Variants in TRAPPC8 observed in about 807,000 individuals in gnomAD.
The protein encoded by TRAPPC8 is trafficking protein particle complex subunit 8.
In TRAPPC8, 54 loss-of-function variants were observed where a neutral mutation model predicts 174.3. The observed-to-expected ratio is 0.31, with a 90% CI of 0.25 to 0.39. The LOEUF is 0.39. Ranked by LOEUF, TRAPPC8 falls within the 10% of genes least tolerant of loss-of-function variation. TRAPPC8 has a pLI of 1.00. For synonymous variants in TRAPPC8, 630 were observed against 579.9 expected (o/e 1.09, Z -1.24); for missense variants, 1,531 against 1,699.1 (o/e 0.90, Z 1.74).
intron 12 of TRAPPC8, among the ~76,000 whole-genome samples, chr18:31,882,250 A>C (rs1223833599): frequency 6.6e-6 from 1 of 152,246 alleles, no homozygotes; most frequent in East Asian, 1.9e-4. Context: ...TGGTACATAC[A>C]CACCATGGAA....
chr18:31,865,826 T>C (rs906375245), intron 18 of TRAPPC8, among the ~76,000 whole-genome samples: 1 of 151,128 alleles, frequency 6.6e-6, no homozygotes, highest in Admixed American at 6.6e-5. Flanking sequence ...TTATAAATTA[T>C]ATAAATTATA....
At chr18:31,878,877 AAAG>A (rs1178192458) in intron 12 of TRAPPC8, among the ~76,000 whole-genome samples, 1 of 152,200 alleles carries the variant, frequency 6.6e-6, no homozygotes, top group Non-Finnish European at 1.5e-5. Flanking sequence ...AAAAAAAGAC[AAAG>A]AAGGGAATTA....
intron 27 of TRAPPC8, among the ~76,000 whole-genome samples, chr18:31,835,364 T>G (rs2032651318): frequency 6.6e-6 from 1 of 152,190 alleles, no homozygotes; most frequent in South Asian, 2.1e-4. Context: ...GGAAGTTTGT[T>G]TTCTTCCTTC....
intron 1 of TRAPPC8, among the ~76,000 whole-genome samples, chr18:31,933,158 G>A (rs970042346): frequency 4.0e-5 from 6 of 151,826 alleles, no homozygotes; most frequent in Admixed American, 3.9e-4. Flanking sequence ...AAAATTAGCC[G>A]GGCGTGGTGG....
chr18:31,876,103 A>C (rs1459542110), intron 12 of TRAPPC8, among the ~76,000 whole-genome samples: 1 of 152,224 alleles, frequency 6.6e-6, no homozygotes, highest in African/African-American at 2.4e-5. Context: ...TGATCTTTAT[A>C]AATTATATGA....
At chr18:31,893,810 G>A (rs2036069373) in intron 11 of TRAPPC8, among the ~76,000 whole-genome samples, 1 of 151,878 alleles carries the variant, frequency 6.6e-6, no homozygotes, top group Non-Finnish European at 1.5e-5. Context: ...TTAGCACACT[G>A]CACATATGCA....
intron 24 of TRAPPC8, 58 bp downstream of exon 24, chr18:31,852,388 A>G: frequency 6.3e-7 from 1 of 1,582,238 alleles, no homozygotes; most frequent in Non-Finnish European, 8.6e-7. Flanking sequence ...TGCCAAAAAT[A>G]CCCAGATATG....
intron 21 of TRAPPC8, 49 bp from the exon 22 acceptor site, chr18:31,853,994 C>T: frequency 7.1e-7 from 1 of 1,406,458 alleles, no homozygotes. Flanking sequence ...AGCACTAAAT[C>T]AGAATGTTCC....
At chr18:31,911,969 C>T (rs181934200) in intron 5 of TRAPPC8, among the ~76,000 whole-genome samples, 77 of 151,994 alleles carry the variant, frequency 5.1e-4, no homozygotes, top group African/African-American at 1.8e-3. Flanking sequence ...TACTACCAAG[C>T]GGCATACTAT....
rs75684315 is a variant in TRAPPC8, at chr18:31,942,970, G to A, written c.-206C>T. On this transcript the variant is annotated 5_prime_UTR_variant, in exon 1 of 29. Transcript: ENST00000283351. Reference sequence around the variant, plus strand: ...CACTGACCCCCCCCTTCCCGTCACCGCCGCTTCTCAGCGCTCGTCCCCGCG... The same window carrying A: ...CACTGACCCCCCCCTTCCCGTCACCACCGCTTCTCAGCGCTCGTCCCCGCG... 5.4e-3 allele frequency: 5,846 copies of A among 1,075,320 alleles called. 256 individuals are homozygous for A. The African/African-American group carries it at 0.087, about 16-fold the overall frequency. The allele number at this position is 1,075,320 out of a possible 1,614,324, so 66.6% of individuals were successfully genotyped here. A position where few individuals can be genotyped will look rare whatever the true frequency, so the allele number is the denominator to read the frequency against.
At chr18:31,852,309 C>T (rs987706141) in intron 24 of TRAPPC8, 137 bp downstream of exon 24, 1 of 888,722 alleles carries the variant, frequency 1.1e-6, no homozygotes, top group African/African-American at 1.7e-5. Flanking sequence ...CCACTGTACT[C>T]CTGGGAGACA....
intron 11 of TRAPPC8, among the ~76,000 whole-genome samples, chr18:31,891,811 T>C (rs776833235): frequency 7.9e-5 from 12 of 152,206 alleles, no homozygotes; most frequent in Non-Finnish European, 1.6e-4. Flanking sequence ...TCAAAAGTGT[T>C]CACAGACCAT....
At chr18:31,899,060 C>G (rs2036299654) in intron 10 of TRAPPC8, among the ~76,000 whole-genome samples, 1 of 152,068 alleles carries the variant, frequency 6.6e-6, no homozygotes, top group Admixed American at 6.5e-5. Context: ...CAAATCACAC[C>G]TTTTCTTGGA....
intron 1 of TRAPPC8, among the ~76,000 whole-genome samples, chr18:31,938,312 C>T (rs1259955221): frequency 1.3e-5 from 2 of 151,744 alleles, no homozygotes; most frequent in African/African-American, 2.4e-5. Flanking sequence ...CTCAAACATA[C>T]ATCAAGCATA....
At chr18:31,879,382 G>A (rs899770915) in intron 12 of TRAPPC8, among the ~76,000 whole-genome samples, 1 of 152,092 alleles carries the variant, frequency 6.6e-6, no homozygotes, top group Non-Finnish European at 1.5e-5. Context: ...TGACTTTAGG[G>A]TAAACAATGA....
rs781187234 is a variant in TRAPPC8, at chr18:31,867,457, A to G, written c.2408T>C (p.Met803Thr). Residue 803 changes from methionine (M) to threonine (T), a missense_variant, in exon 17 of 29, where the codon ATG becomes ACG. Met to Thr is a moderately conservative substitution (Grantham distance 81). Transcript: ENST00000283351. ...CTCTGAAATAACTTCAGCTCCAATC[A>G]TTTCAGGTTCACTTGTAACCTAAAA... ...VKQLVTSEPE[M>T]IGAEVISEFL... 3.1e-6 allele frequency: 5 copies of G among 1,606,712 alleles called. No homozygotes were observed. The highest frequency in any genetic ancestry group is 4.3e-6 in the Non-Finnish European group (5 of 1,175,192).
At chr18:31,831,828 T>C (rs2032389163) in intron 28 of TRAPPC8, among the ~76,000 whole-genome samples, 1 of 152,162 alleles carries the variant, frequency 6.6e-6, no homozygotes, top group Non-Finnish European at 1.5e-5. Flanking sequence ...CCAAAAGCAT[T>C]TGGCTCTAGG....
chr18:31,841,374 T>A (rs977238817), intron 26 of TRAPPC8, among the ~76,000 whole-genome samples: 3 of 152,230 alleles, frequency 2.0e-5, no homozygotes, highest in Admixed American at 6.5e-5. Flanking sequence ...ATAAAAATTT[T>A]AAAAAATCAG....
chr18:31,898,412 G>C (rs2036273191), intron 10 of TRAPPC8, among the ~76,000 whole-genome samples: 1 of 152,164 alleles, frequency 6.6e-6, no homozygotes, highest in Non-Finnish European at 1.5e-5. Flanking sequence ...TCATTATCAT[G>C]TAATTTGGCA....
Sources: allele counts gnomAD v4.1 joint callset (sites outside exome capture counted in the v4.1 genomes callset), GRCh38; gene constraint gnomAD v4.1.1; transcripts MANE v1.5; gene names NCBI Gene and HGNC (gene_info 2026-07-23, HGNC 2026-07-21).